Variants in CFAP20DC observed in about 807,000 individuals in gnomAD.
The protein encoded by CFAP20DC is protein CFAP20DC.
A neutral mutation model predicts 101.7 loss-of-function variants in CFAP20DC; 84 were observed. That is an observed-to-expected ratio of 0.83 (90% CI 0.69 to 0.99). CFAP20DC has a LOEUF of 0.99. Ranked by LOEUF, CFAP20DC falls within the 50% of genes least tolerant of loss-of-function variation. CFAP20DC has a pLI of 0.00. For missense variants in CFAP20DC, 1,007 were observed against 970.3 expected (o/e 1.04, Z -0.50); for synonymous variants, 359 against 351.2 (o/e 1.02, Z -0.25).
intron 13 of CFAP20DC, among the ~76,000 whole-genome samples, chr3:58,848,603 T>C (rs1038390849): frequency 1.3e-5 from 2 of 152,276 alleles, no homozygotes; most frequent in East Asian, 3.9e-4. Flanking sequence ...CATTTATTAT[T>C]TGGGGAACTG....
At chr3:58,956,789 A>G (rs138870346) in intron 4 of CFAP20DC, among the ~76,000 whole-genome samples, 167 of 152,334 alleles carry the variant, frequency 1.1e-3, no homozygotes, top group Middle Eastern at 0.01. Context: ...ACTTACCATC[A>G]TGGCAGAAGG....
chr3:58,769,090 C>G (rs1320556677), intron 15 of CFAP20DC, among the ~76,000 whole-genome samples: 1 of 152,188 alleles, frequency 6.6e-6, no homozygotes, highest in Non-Finnish European at 1.5e-5. Flanking sequence ...ACCCAGAAAG[C>G]AAAAGGTGTG....
chr3:58,820,936 C>T (rs927416043), intron 14 of CFAP20DC, among the ~76,000 whole-genome samples: 3 of 150,338 alleles, frequency 2.0e-5, no homozygotes, highest in Non-Finnish European at 4.4e-5. Flanking sequence ...GTACTGGTAC[C>T]AAAACAGAGA....
intron 4 of CFAP20DC, among the ~76,000 whole-genome samples, chr3:59,026,117 G>C (rs1334792135): frequency 6.6e-6 from 1 of 151,990 alleles, no homozygotes; most frequent in Non-Finnish European, 1.5e-5. Flanking sequence ...ACTAATGCGT[G>C]TAACAAAATA....
chr3:58,999,102 G>C (rs1027884305), intron 4 of CFAP20DC, among the ~76,000 whole-genome samples: 10 of 152,188 alleles, frequency 6.6e-5, no homozygotes, highest in African/African-American at 2.4e-4. Context: ...AGAGAAGAAA[G>C]CAGATCAGCA....
chr3:58,809,861 T>G (rs899424113), intron 14 of CFAP20DC, among the ~76,000 whole-genome samples: 4 of 151,822 alleles, frequency 2.6e-5, no homozygotes, highest in South Asian at 2.1e-4. Flanking sequence ...TAAAAAATGA[T>G]AAAGGGGATA....
chr3:58,919,353 G>C (rs904362506), intron 5 of CFAP20DC, among the ~76,000 whole-genome samples: 15 of 152,014 alleles, frequency 9.9e-5, no homozygotes, highest in African/African-American at 3.6e-4. Flanking sequence ...CAAGGTTTTG[G>C]CTATTATGAA....
At chr3:58,936,361 T>C (rs2087611255) in intron 5 of CFAP20DC, among the ~76,000 whole-genome samples, 2 of 152,198 alleles carry the variant, frequency 1.3e-5, no homozygotes, top group South Asian at 4.1e-4. Flanking sequence ...TGGAAGTCAG[T>C]GTGGCGATTC....
At chr3:58,936,251 A>C (rs1357978765) in intron 5 of CFAP20DC, among the ~76,000 whole-genome samples, 2 of 152,080 alleles carry the variant, frequency 1.3e-5, no homozygotes, top group Non-Finnish European at 2.9e-5. Flanking sequence ...TTAGAATGGC[A>C]ATCATTAAAA....
intron 15 of CFAP20DC, among the ~76,000 whole-genome samples, chr3:58,765,471 C>CAAAAAAAAAAAAAAAACCAAAA (rs2070192568): frequency 3.6e-5 from 1 of 27,784 alleles, no homozygotes; most frequent in East Asian, 7.5e-4. Flanking sequence ...ACATTCTAGC[C>CAAAAAAAAAAAAAAAACCAAAA]AAAAAAAAAA....
chr3:58,934,715 T>C (rs2087268955), intron 5 of CFAP20DC, among the ~76,000 whole-genome samples: 1 of 152,144 alleles, frequency 6.6e-6, no homozygotes, highest in Non-Finnish European at 1.5e-5. Flanking sequence ...TTTGACAAAA[T>C]TCAACAGCCC....
chr3:58,716,194 G>T (rs912196858), downstream of CFAP20DC, among the ~76,000 whole-genome samples: 5 of 124,940 alleles, frequency 4.0e-5, no homozygotes, highest in Admixed American at 3.1e-4. Flanking sequence ...TCGCTCTGTC[G>T]CCCAGGCGGG....
chr3:58,831,923 T>C (rs1318111867), intron 13 of CFAP20DC, 34 bp from the exon 14 acceptor site: 1 of 1,585,514 alleles, frequency 6.3e-7, no homozygotes. Flanking sequence ...CAAAGGGTCA[T>C]TTGGCCTAAT....
chr3:58,908,013 C>T (rs755483616), intron 6 of CFAP20DC, among the ~76,000 whole-genome samples: 14 of 152,092 alleles, frequency 9.2e-5, no homozygotes, highest in Admixed American at 2.0e-4. Context: ...GACTCCCTTA[C>T]GGATAATCCA....
downstream of CFAP20DC, among the ~76,000 whole-genome samples, chr3:58,737,558 C>T (rs544254657): frequency 6.6e-6 from 1 of 152,244 alleles, no homozygotes; most frequent in East Asian, 1.9e-4. This position sits in a 1 kb window ranked among gnomAD's most constrained non-coding sequence, Gnocchi z 4.1. Context: ...CTGGAGATTA[C>T]CTGTGCATGT....
intron 15 of CFAP20DC, among the ~76,000 whole-genome samples, chr3:58,772,715 T>C (rs1443671355): frequency 6.6e-6 from 1 of 152,120 alleles, no homozygotes; most frequent in Non-Finnish European, 1.5e-5. Context: ...CTGAATAAAT[T>C]ATGGTACACC....
intron 12 of CFAP20DC, among the ~76,000 whole-genome samples, chr3:58,857,812 T>C (rs1161545569): frequency 6.6e-6 from 1 of 152,026 alleles, no homozygotes; most frequent in Non-Finnish European, 1.5e-5. Flanking sequence ...TTATTAGGAG[T>C]GGGTGCACTG....
intron 13 of CFAP20DC, among the ~76,000 whole-genome samples, chr3:58,848,661 G>T (rs188295340): frequency 6.6e-6 from 1 of 152,248 alleles, no homozygotes. Flanking sequence ...TCCTAATGTA[G>T]ATTGTTATTG....
chr3:58,836,508 T>C (rs2076746509), intron 13 of CFAP20DC, among the ~76,000 whole-genome samples: 1 of 151,738 alleles, frequency 6.6e-6, no homozygotes, highest in Non-Finnish European at 1.5e-5. Flanking sequence ...ACAGTGGAGG[T>C]GTGGAGAAAA....
Sources: gnomAD v4.1 joint callset for allele counts (sites outside exome capture counted in the v4.1 genomes callset) on GRCh38, gnomAD v4.1.1 for gene constraint, Gnocchi (gnomAD v3.1) non-coding constraint, MANE v1.5 for transcripts, NCBI Gene and HGNC (gene_info 2026-07-23, HGNC 2026-07-21) for gene names.